ELMOD1: variants seen among roughly 807,000 people sequenced by gnomAD.
ELMOD1 encodes the protein ELMO domain containing 1.
In ELMOD1, 21 loss-of-function variants were observed where a neutral mutation model predicts 46.7. That is an observed-to-expected ratio of 0.45 (90% CI 0.32 to 0.65). The LOEUF is 0.65. Ranked by LOEUF, ELMOD1 falls within the 30% of genes least tolerant of loss-of-function variation. ELMOD1 has a pLI of 0.04. For synonymous variants in ELMOD1, 122 were observed against 138.2 expected (o/e 0.88, Z 0.82); for missense variants, 348 against 407.8 (o/e 0.85, Z 1.26).
At chr11:107,619,008 T>G (rs1865905423) in intron 2 of ELMOD1, among the ~76,000 whole-genome samples, 1 of 152,228 alleles carries the variant, frequency 6.6e-6, no homozygotes, top group African/African-American at 2.4e-5. Flanking sequence ...CTGTTACACA[T>G]TCTTGTCTTT....
intron 1 of ELMOD1, among the ~76,000 whole-genome samples, chr11:107,598,184 G>C (rs1262820384): frequency 6.6e-6 from 1 of 152,122 alleles, no homozygotes. Flanking sequence ...CTTATTATGA[G>C]GAATTGGCTT....
Position 107,630,332 on chromosome 11 carries a change from T to G in ELMOD1, c.18-85T>G. The G allele has an allele frequency of 3.1e-6, 4 of 1,289,978 alleles. 1 individual carries two copies. In the South Asian group the frequency reaches 6.2e-5, roughly 20 times the overall value. 79.9% of individuals were successfully genotyped at this position (1,289,978 alleles called of 1,614,324 possible). On this transcript the variant is annotated intron_variant, in intron 2 of 11. Transcript: ENST00000265840. ...ATTTTTCTAACCCCTGATTTTCTCC[T>G]GGGCTTCTTTTCTTGCTGGTGGTGG...
At chr11:107,603,562 A>G (rs1295176024) in intron 1 of ELMOD1, among the ~76,000 whole-genome samples, 1 of 151,622 alleles carries the variant, frequency 6.6e-6, no homozygotes, top group African/African-American at 2.4e-5. Context: ...CAACAACAAC[A>G]ACAACAAAAC....
intron 2 of ELMOD1, chr11:107,620,121 A>G (rs1454458374): frequency 2.0e-5 from 3 of 152,202 alleles, no homozygotes; most frequent in South Asian, 2.1e-4. Context: ...TGAATGAATC[A>G]GATGTTAATT....
chr11:107,658,689 C>G (rs951874423), intron 11 of ELMOD1, among the ~76,000 whole-genome samples: 1 of 152,366 alleles, frequency 6.6e-6, no homozygotes, highest in Admixed American at 6.5e-5. Flanking sequence ...AATCCCAGCA[C>G]TTTGGGAGGC....
Position 107,666,314 on chromosome 11 carries a change from G to C in ELMOD1, c.*1117G>C, listed in dbSNP as rs988279670. ...GGTTTTTCACTGCCTGCCTCTTGCG[G>C]AACTGGGTTACACCCTGGCACTGTT... is the stretch of plus-strand genomic sequence containing the variant. On this transcript the variant is annotated 3_prime_UTR_variant, in exon 12 of 12. Coordinates refer to ENST00000265840, the MANE Select transcript of ELMOD1 (RefSeq NM_018712.4). 4 of 152,194 alleles carry C rather than the reference G, an allele frequency of 2.6e-5. No homozygotes were observed. The highest frequency in any genetic ancestry group is 7.2e-5 in the African/African-American group (3 of 41,460). The allele number at this position is 152,194 out of a possible 1,614,324, so 9.4% of individuals were successfully genotyped here. A position where few individuals can be genotyped will look rare whatever the true frequency, so the allele number is the denominator to read the frequency against.
At chr11:107,635,342 T>C (rs1866210476) in intron 5 of ELMOD1, among the ~76,000 whole-genome samples, 2 of 152,182 alleles carry the variant, frequency 1.3e-5, no homozygotes, top group Admixed American at 1.3e-4. Flanking sequence ...TTTGTACTCC[T>C]GGCTTCAAGC....
At position 107,647,584 on chromosome 11, in the gene ELMOD1, G is replaced by A. The variant is rs1373131565; in HGVS notation, c.537G>A (p.Leu179=). 1 of 1,612,872 alleles carries A rather than the reference G, an allele frequency of 6.2e-7. No homozygotes were observed. Among genetic ancestry groups the A allele is most frequent in the Non-Finnish European group, 8.5e-7 (1 of 1,179,434 alleles). Residue 179 remains leucine (L), a synonymous_variant, in exon 7 of 12, where the codon CTG becomes CTA. Coordinates refer to ENST00000265840, the MANE Select transcript of ELMOD1 (RefSeq NM_018712.4). ...CAGACTTTCGAGGAATGGGACTTCT[G>A]GGACTGTACAATTTGCAGTAAGTAA... ...PKTDFRGMGL[L]GLYNLQYFAE...
At chr11:107,603,706 G>A (rs754787623) in intron 1 of ELMOD1, among the ~76,000 whole-genome samples, 8 of 151,766 alleles carry the variant, frequency 5.3e-5, no homozygotes, top group Admixed American at 1.3e-4. Flanking sequence ...GCCAAAACCC[G>A]TCTCTACTAA....
chr11:107,629,207 A>G (rs1427261269), intron 2 of ELMOD1, among the ~76,000 whole-genome samples: 1 of 152,204 alleles, frequency 6.6e-6, no homozygotes, highest in Admixed American at 6.5e-5. Flanking sequence ...GAACCAGAGC[A>G]ATTTAAGGAA....
intron 1 of ELMOD1, chr11:107,591,653 A>G (rs1486302192): frequency 6.9e-5 from 25 of 362,184 alleles, no homozygotes; most frequent in South Asian, 4.9e-4. Context: ...AACACCCGAG[A>G]GGCTGCAGGT....
At chr11:107,659,909 A>G (rs1283741740) in intron 11 of ELMOD1, among the ~76,000 whole-genome samples, 1 of 152,128 alleles carries the variant, frequency 6.6e-6, no homozygotes, top group African/African-American at 2.4e-5. Context: ...AAAAGAAAAA[A>G]GTATTAGTCT....
intron 1 of ELMOD1, among the ~76,000 whole-genome samples, chr11:107,606,563 G>A (rs370555957): frequency 1.7e-4 from 26 of 152,206 alleles, no homozygotes; most frequent in African/African-American, 3.6e-4. Context: ...GGCAGAGCGC[G>A]GTGGCTCATG....
chr11:107,619,295 A>G (rs1012047394), intron 2 of ELMOD1, among the ~76,000 whole-genome samples: 1 of 152,234 alleles, frequency 6.6e-6, no homozygotes, highest in African/African-American at 2.4e-5. Flanking sequence ...TGTACAGAAT[A>G]CTGTTTATCT....
intron 6 of ELMOD1, among the ~76,000 whole-genome samples, chr11:107,641,939 CTTTTTTTTTT>C (rs34475862): frequency 1.0e-5 from 1 of 100,464 alleles, no homozygotes; most frequent in African/African-American, 4.0e-5. Context: ...TGAGCTTACT[CTTTTTTTTTT>C]TTTTTTTTTT....
chr11:107,626,966 T>C (rs1866054559), intron 2 of ELMOD1, among the ~76,000 whole-genome samples: 2 of 152,112 alleles, frequency 1.3e-5, no homozygotes, highest in South Asian at 4.1e-4. Context: ...AGGAAGCAAG[T>C]TGTATATTGT....
intron 11 of ELMOD1, among the ~76,000 whole-genome samples, chr11:107,660,926 A>G (rs1333796196): frequency 6.6e-6 from 1 of 152,196 alleles, no homozygotes; most frequent in Non-Finnish European, 1.5e-5. Flanking sequence ...TTCATCTGCA[A>G]TACCTAGTAC....
chr11:107,602,726 C>CTT (rs71047612), intron 1 of ELMOD1, among the ~76,000 whole-genome samples: 3,847 of 144,622 alleles, frequency 0.027, 70 homozygotes, highest in Middle Eastern at 0.062. Context: ...TTCAGATTCC[C>CTT]TTTTTTTTTT....
chr11:107,666,141 G>A lies in ELMOD1; in HGVS notation c.*944G>A, dbSNP rs1007215558. ...GTTTGAAGTACTGCAAAATTATATT[G>A]TAACTTCCCCTCACCCCAGTTGCAA... On this transcript the variant is annotated 3_prime_UTR_variant, in exon 12 of 12. Transcript: ENST00000265840. 2 of 152,116 alleles carry A rather than the reference G, an allele frequency of 1.3e-5. No homozygotes were observed. Among genetic ancestry groups the A allele is most frequent in the Non-Finnish European group, 2.9e-5 (2 of 68,032 alleles). 9.4% of individuals were successfully genotyped at this position (152,116 alleles called of 1,614,324 possible). A position where few individuals can be genotyped will look rare whatever the true frequency, so the allele number is the denominator to read the frequency against.
Sources: allele counts gnomAD v4.1 joint callset (sites outside exome capture counted in the v4.1 genomes callset), GRCh38; gene constraint gnomAD v4.1.1; transcripts MANE v1.5; gene names NCBI Gene and HGNC (gene_info 2026-07-23, HGNC 2026-07-21).